Variants in RAP1A observed in about 807,000 individuals in gnomAD.
The protein encoded by RAP1A is ras-related protein Rap-1A.
RAP1A carries 6 observed loss-of-function variants against 26.4 expected under a neutral mutation model. The ratio of observed to expected loss-of-function variants is 0.23; its 90% confidence interval spans 0.12 to 0.45. The LOEUF is 0.45. Among genes scored for constraint, RAP1A ranks in the 20% least tolerant of loss-of-function variants. The pLI, the probability that RAP1A is intolerant of heterozygous loss-of-function variation, is 0.99. For synonymous variants in RAP1A, 73 were observed against 79.4 expected, an observed-to-expected ratio of 0.92 and a Z score of 0.43; for missense variants, 121 against 217.2, an observed-to-expected ratio of 0.56 and a Z score of 2.78.
chr1:111,582,641 A>G (rs1285112220), intron 1 of RAP1A, among the ~76,000 whole-genome samples: 2 of 152,240 alleles, frequency 1.3e-5, no homozygotes, highest in Non-Finnish European at 2.9e-5. Context: ...TGCCTAGAAC[A>G]TAAAACCAGG....
chr1:111,688,888 G>T (rs1661583909), intron 1 of RAP1A, among the ~76,000 whole-genome samples: 1 of 149,528 alleles, frequency 6.7e-6, no homozygotes, highest in South Asian at 2.1e-4. Context: ...AGGCAGGAGT[G>T]CAGTGGGACA....
chr1:111,607,233 A>G (rs917749344), intron 1 of RAP1A, among the ~76,000 whole-genome samples: 3 of 151,846 alleles, frequency 2.0e-5, no homozygotes, highest in Admixed American at 2.0e-4. Context: ...CTTAACGAGC[A>G]TGCTGCCTTC....
intron 1 of RAP1A, among the ~76,000 whole-genome samples, chr1:111,564,769 C>T (rs1457337224): frequency 6.6e-6 from 1 of 151,812 alleles, no homozygotes; most frequent in African/African-American, 2.4e-5. Flanking sequence ...GCCTCGGCCT[C>T]CCAAAGTGCT....
chr1:111,609,882 A>G (rs1209827600), intron 1 of RAP1A, among the ~76,000 whole-genome samples: 1 of 152,076 alleles, frequency 6.6e-6, no homozygotes, highest in East Asian at 1.9e-4. Flanking sequence ...TGGTCTCAAA[A>G]TCCTGACCTC....
At chr1:111,688,770 ATTGAGTTAC>A (rs1238815454) in intron 1 of RAP1A, among the ~76,000 whole-genome samples, 5 of 142,372 alleles carry the variant, frequency 3.5e-5, no homozygotes, top group African/African-American at 1.3e-4. Context: ...AGGGGGGCTC[ATTGAGTTAC>A]TTGGATGTGT....
intron 4 of RAP1A, among the ~76,000 whole-genome samples, chr1:111,702,453 CTAAATGTTAACCATTA>C (rs1192155011): frequency 6.6e-6 from 1 of 151,934 alleles, no homozygotes; most frequent in African/African-American, 2.4e-5. Context: ...AGCTCAGTAA[CTAAATGTTAACCATTA>C]GTAAATTTAA....
At chr1:111,594,593 G>GAA (rs1658530709) in intron 1 of RAP1A, among the ~76,000 whole-genome samples, 10 of 147,758 alleles carry the variant, frequency 6.8e-5, no homozygotes, top group African/African-American at 2.6e-4. Flanking sequence ...AGGAAGGGAG[G>GAA]GAGGAAGGAA....
chr1:111,702,538 AG>A (rs1268451797), intron 4 of RAP1A, among the ~76,000 whole-genome samples: 1 of 151,906 alleles, frequency 6.6e-6, no homozygotes, highest in Non-Finnish European at 1.5e-5. Context: ...GTTTGGAATG[AG>A]GGGGAAAATG....
Position 111,551,760 on chromosome 1 carries a change from TGTTTTG to T in RAP1A, c.-28+9252_-28+9257del, listed in dbSNP as rs1478118633. On this transcript the variant is annotated intron_variant, in intron 1 of 7. Coordinates refer to the RAP1A transcript ENST00000356415. ...TGTGGTTTTTGGTTTTGTTTTGTTTTGTTTTGTTTTTTTGAGATGGAGTCTTTACAG... is the reference window on the plus strand; with the variant it reads ...TGTGGTTTTTGGTTTTGTTTTGTTTTTTTTTTTGAGATGGAGTCTTTACAG... Among the ~76,000 whole-genome samples, 4 of 29,872 alleles carry T rather than the reference TGTTTTG, an allele frequency of 1.3e-4. No homozygotes were observed. In the Non-Finnish European group the frequency reaches 1.4e-3, roughly 10 times the overall value. 19.6% of individuals were successfully genotyped at this position (29,872 alleles called of 152,430 possible).
intron 1 of RAP1A, among the ~76,000 whole-genome samples, chr1:111,552,402 C>T (rs113083024): frequency 1.1e-3 from 165 of 152,288 alleles, no homozygotes; most frequent in African/African-American, 3.7e-3. Flanking sequence ...TTCCTGAATA[C>T]GTGTTCCCTG....
Position 111,709,237 on chromosome 1 carries a change from C to T in RAP1A, c.*2C>T. The T allele has an allele frequency of 6.2e-7, 1 of 1,607,700 alleles. No individual in the cohort carries two copies. The highest frequency in any genetic ancestry group is 8.5e-7 in the Non-Finnish European group (1 of 1,178,254). On this transcript the variant is annotated 3_prime_UTR_variant, in exon 7 of 8. Coordinates refer to ENST00000369709, the MANE Select transcript of RAP1A (RefSeq NM_002884.4). ...AAGAAATCATGTCTGCTGCTCTAGG[C>T]CCATAGTCAGCAGCAGCTCTGAGCC...
At chr1:111,704,904 AC>A (rs1288138576) in intron 6 of RAP1A, among the ~76,000 whole-genome samples, 2 of 152,004 alleles carry the variant, frequency 1.3e-5, no homozygotes, top group South Asian at 2.1e-4. Flanking sequence ...GTCTTACCTC[AC>A]CTTTGGTGCA....
intron 1 of RAP1A, among the ~76,000 whole-genome samples, chr1:111,625,797 T>C (rs1659381696): frequency 6.6e-6 from 1 of 152,186 alleles, no homozygotes; most frequent in Non-Finnish European, 1.5e-5. Flanking sequence ...TTCTTTTTCT[T>C]TTTCTATTTC....
At chr1:111,664,160 G>A (rs1186730755) in intron 1 of RAP1A, among the ~76,000 whole-genome samples, 3 of 152,022 alleles carry the variant, frequency 2.0e-5, no homozygotes, top group African/African-American at 7.2e-5. Flanking sequence ...GATCACCTGA[G>A]GTCAGGAGTT....
At chr1:111,674,487 C>G (rs1168378301) in intron 1 of RAP1A, among the ~76,000 whole-genome samples, 1 of 152,142 alleles carries the variant, frequency 6.6e-6, no homozygotes, top group African/African-American at 2.4e-5. Context: ...ACCATCTTGA[C>G]CACCATTGAC....
intron 2 of RAP1A, among the ~76,000 whole-genome samples, chr1:111,694,969 G>C (rs1338182478): frequency 6.6e-6 from 1 of 152,072 alleles, no homozygotes; most frequent in Admixed American, 6.6e-5. Flanking sequence ...ACTCCATTAA[G>C]GGCAGAGGGC....
intron 1 of RAP1A, chr1:111,649,617 A>G: frequency 4.9e-6 from 1 of 205,898 alleles, no homozygotes; most frequent in Non-Finnish European, 1.0e-5. Context: ...AGATATTATC[A>G]TTGCCTAATA....
intron 1 of RAP1A, among the ~76,000 whole-genome samples, chr1:111,632,612 A>G (rs769766259): frequency 3.9e-4 from 59 of 152,160 alleles, no homozygotes; most frequent in Non-Finnish European, 6.5e-4. Context: ...AATACTTTGG[A>G]TTAGATATTG....
intron 1 of RAP1A, among the ~76,000 whole-genome samples, chr1:111,688,559 A>G (rs1235076229): frequency 1.3e-5 from 2 of 151,826 alleles, no homozygotes; most frequent in Non-Finnish European, 2.9e-5. Context: ...AGCTCAGGCA[A>G]TTTGCCCACC....
Sources: gnomAD v4.1 joint callset for allele counts (sites outside exome capture counted in the v4.1 genomes callset) on GRCh38, gnomAD v4.1.1 for gene constraint, MANE v1.5 for transcripts, NCBI Gene and HGNC (gene_info 2026-07-23, HGNC 2026-07-21) for gene names.